The following PRCC variants were observed in gnomAD, a reference collection of about 807,000 sequenced individuals.
The protein encoded by PRCC is proline rich mitotic checkpoint control factor.
In PRCC, 10 loss-of-function variants were observed where a neutral mutation model predicts 44.0. The observed-to-expected ratio is 0.23, with a 90% confidence interval of 0.14 to 0.39. PRCC has a LOEUF of 0.39. PRCC is among the 10% of genes least tolerant of loss of function. The probability of loss-of-function intolerance (pLI) is 1.00; values close to 1 mark genes in which losing one functional copy is unlikely to be tolerated. For missense variants in PRCC, 573 were observed against 624.7 expected (o/e 0.92, Z 0.88); for synonymous variants, 278 against 259.5 (o/e 1.07, Z -0.69).
Position 156,768,012 on chromosome 1 carries a change from C to A in PRCC, c.241C>A (p.Pro81Thr), listed in dbSNP as rs1243773256. 1.3e-6 allele frequency: 2 copies of A among 1,567,590 alleles called. No homozygotes were observed. Among genetic ancestry groups the A allele is most frequent in the Admixed American group, 1.8e-5 (1 of 54,272 alleles). Residue 81 changes from proline (P) to threonine (T), a missense_variant, in exon 1 of 7, where the codon CCC becomes ACC. Transcript: ENST00000271526. Reference protein sequence around the residue: ...PTGDPRLQPPPPLPFGLGGFP... With the variant: ...PTGDPRLQPPTPLPFGLGGFP... ...CGGAGACCCCAGGCTTCAGCCTCCT[C>A]CCCCCTTGCCCTTCGGCCTGGGAGG...
intron 6 of PRCC, among the ~76,000 whole-genome samples, chr1:156,799,631 A>G (rs1343667383): frequency 6.6e-6 from 1 of 152,156 alleles, no homozygotes. Flanking sequence ...GTTTGTAGGG[A>G]AAGGATTTGA....
At chr1:156,780,652 A>G (rs891851095) in intron 1 of PRCC, among the ~76,000 whole-genome samples, 4 of 151,806 alleles carry the variant, frequency 2.6e-5, no homozygotes, top group Non-Finnish European at 5.9e-5. Flanking sequence ...GCACCTCTAT[A>G]TGGTTTTCCG....
chr1:156,779,330 T>C (rs1435575838), intron 1 of PRCC, among the ~76,000 whole-genome samples: 1 of 149,464 alleles, frequency 6.7e-6, no homozygotes, highest in Non-Finnish European at 1.5e-5. Flanking sequence ...TAATTTTTAA[T>C]TTAAAAAATT....
At chr1:156,781,265 G>A (rs1652038923) in intron 1 of PRCC, among the ~76,000 whole-genome samples, 1 of 152,124 alleles carries the variant, frequency 6.6e-6, no homozygotes, top group East Asian at 1.9e-4. Flanking sequence ...GAATATAATA[G>A]GTAATTATGA....
intron 2 of PRCC, among the ~76,000 whole-genome samples, chr1:156,783,113 A>G (rs1446148140): frequency 6.6e-6 from 1 of 152,106 alleles, no homozygotes; most frequent in Non-Finnish European, 1.5e-5. Flanking sequence ...CATGTTGGTC[A>G]GGCTGGTCTC....
chr1:156,782,351 AT>A (rs763191718), intron 2 of PRCC, 22 bp downstream of exon 2: 151 of 1,577,386 alleles, frequency 9.6e-5, no homozygotes, highest in Non-Finnish European at 1.2e-4. Context: ...GATATAAACC[AT>A]TTTTTTTCTC....
At chr1:156,787,474 TATATATATATATATATATATATA>T (rs1652306759) in intron 3 of PRCC, among the ~76,000 whole-genome samples, 1 of 21,282 alleles carries the variant, frequency 4.7e-5, no homozygotes. Context: ...TATATATATA[TATATATATATATATATATATATA>T]TCTGTTTTTT....
At chr1:156,787,775 C>T (rs560366172) in intron 3 of PRCC, among the ~76,000 whole-genome samples, 8 of 150,172 alleles carry the variant, frequency 5.3e-5, no homozygotes, top group South Asian at 4.2e-4. Context: ...CTCAGCCTCC[C>T]GAGTAGCTGG....
intron 1 of PRCC, among the ~76,000 whole-genome samples, chr1:156,778,512 T>C (rs1651909068): frequency 6.6e-6 from 1 of 152,106 alleles, no homozygotes; most frequent in African/African-American, 2.4e-5. Context: ...GATACCTCTT[T>C]GGCAAACTGA....
chr1:156,773,057 C>T (rs570421310), intron 1 of PRCC, among the ~76,000 whole-genome samples: 9 of 152,162 alleles, frequency 5.9e-5, no homozygotes, highest in South Asian at 2.1e-4. Context: ...GGAGTGAAAA[C>T]GGTATCCTAG....
chr1:156,787,050 C>G lies in PRCC; in HGVS notation c.959C>G (p.Pro320Arg). 1 of 1,614,206 alleles carries G rather than the reference C, an allele frequency of 6.2e-7. No homozygotes were observed. The highest frequency in any genetic ancestry group is 8.5e-7 in the Non-Finnish European group (1 of 1,180,028). ...PAFQDDAANA[P>R]LEFKMAAGSS... ...TTCCAGGACGATGCAGCCAATGCCC[C>G]CCTTGAATTCAAGATGGCAGCAGGT... Residue 320 changes from proline to arginine, a missense_variant, in exon 3 of 7, where the codon CCC (proline) becomes CGC (arginine). Pro to Arg is a moderately radical substitution (Grantham distance 103). Coordinates refer to ENST00000271526, the MANE Select transcript of PRCC (RefSeq NM_005973.5).
intron 3 of PRCC, among the ~76,000 whole-genome samples, chr1:156,787,714 A>G (rs920107605): frequency 1.5e-5 from 2 of 130,440 alleles, no homozygotes; most frequent in Non-Finnish European, 3.1e-5. Context: ...CAGTGGCACA[A>G]TCTTGGCTCA....
chr1:156,779,894 CTATT>C (rs1410544670), intron 1 of PRCC, among the ~76,000 whole-genome samples: 1 of 148,542 alleles, frequency 6.7e-6, no homozygotes, highest in African/African-American at 2.5e-5. Context: ...CATGCCTGGT[CTATT>C]TTTTTTTTTT....
At chr1:156,775,355 G>GTT (rs879585465) in intron 1 of PRCC, among the ~76,000 whole-genome samples, 8 of 142,244 alleles carry the variant, frequency 5.6e-5, no homozygotes, top group African/African-American at 1.3e-4. Context: ...TCTTTCTTTT[G>GTT]TTTTTTTTTT....
At chr1:156,771,665 A>G (rs1467520944) in intron 1 of PRCC, among the ~76,000 whole-genome samples, 2 of 145,760 alleles carry the variant, frequency 1.4e-5, no homozygotes, top group East Asian at 2.0e-4. Flanking sequence ...TTAGAAGCCA[A>G]CTCAAGCTAG....
intron 2 of PRCC, among the ~76,000 whole-genome samples, chr1:156,785,896 C>G (rs1197184689): frequency 6.6e-6 from 1 of 151,214 alleles, no homozygotes; most frequent in East Asian, 2.0e-4. Flanking sequence ...ACTGCAACCT[C>G]CGCTTCCTGG....
chr1:156,767,642 A>C lies in PRCC; in HGVS notation c.-130A>C. The C allele has an allele frequency of 1.1e-6, 1 of 872,658 alleles. No homozygotes were observed. The highest frequency in any genetic ancestry group is 1.7e-6 in the Non-Finnish European group (1 of 577,402). 54.1% of individuals were successfully genotyped at this position (872,658 alleles called of 1,614,324 possible). On this transcript the variant is annotated 5_prime_UTR_variant, in exon 1 of 7. Transcript: ENST00000271526. The stretch of plus-strand genomic sequence containing the variant: ...ATGAGTTTCTGCCGGGGCTAGCCCT[A>C]GAGTACGGAGCAGGCGGACTTTTCG...
intron 2 of PRCC, among the ~76,000 whole-genome samples, chr1:156,783,192 A>T (rs766440517): frequency 6.6e-6 from 1 of 152,106 alleles, no homozygotes; most frequent in South Asian, 2.1e-4. Context: ...GGTGTGAGCC[A>T]CCGCGCCTGG....
At chr1:156,781,235 A>G (rs528836566) in intron 1 of PRCC, among the ~76,000 whole-genome samples, 3 of 152,330 alleles carry the variant, frequency 2.0e-5, no homozygotes, top group Admixed American at 6.5e-5. Flanking sequence ...TGCTGTGTAC[A>G]GTACTTAGCA....
Sources: allele counts gnomAD v4.1 joint callset (sites outside exome capture counted in the v4.1 genomes callset), GRCh38; gene constraint gnomAD v4.1.1; transcripts MANE v1.5; gene names NCBI Gene and HGNC (gene_info 2026-07-23, HGNC 2026-07-21).